ARFGEF3: variants seen among roughly 807,000 people sequenced by gnomAD.
The protein encoded by ARFGEF3 is brefeldin A-inhibited guanine nucleotide-exchange protein 3.
In ARFGEF3, 96 loss-of-function variants were observed where a neutral mutation model predicts 221.7. The observed-to-expected ratio is 0.43, with a 90% CI of 0.37 to 0.51. The LOEUF (loss-of-function observed/expected upper bound fraction) is 0.51. Among genes scored for constraint, ARFGEF3 ranks in the 20% least tolerant of loss-of-function variants. The pLI, the probability that ARFGEF3 is intolerant of heterozygous loss-of-function variation, is 0.00. For missense variants in ARFGEF3, 2,410 were observed against 2,789.9 expected (o/e 0.86, Z 3.07); for synonymous variants, 1,145 against 1,126.8 (o/e 1.02, Z -0.32).
At chr6:138,284,808 G>A (rs1010623572) in intron 14 of ARFGEF3, among the ~76,000 whole-genome samples, 1 of 152,174 alleles carries the variant, frequency 6.6e-6, no homozygotes, top group Admixed American at 6.5e-5. Flanking sequence ...GAAATGCATT[G>A]TTAGGCAATT....
rs896140656 is a variant in ARFGEF3 at position 138,294,056 on chromosome 6, G to A, written c.3432G>A (p.Leu1144=). Residue 1144 remains leucine (L), a synonymous_variant, in exon 20 of 34, where the codon CTG becomes CTA. Transcript: ENST00000251691. Reference sequence around the variant, plus strand: ...CCTTGGGAGGTTTTCTTTACCAGCTGAAGAAAGCATCGCAGTCTCAGCTTT... The same window carrying A: ...CCTTGGGAGGTTTTCTTTACCAGCTAAAGAAAGCATCGCAGTCTCAGCTTT... The part of the protein sequence containing the change: ...LMALGGFLYQ[L]KKASQSQLFH... 1.9e-6 allele frequency: 3 copies of A among 1,613,748 alleles called. No homozygotes were observed. In the Admixed American group the frequency reaches 5.0e-5, roughly 27 times the overall value.
At chr6:138,330,417 C>T (rs1780204645) in intron 32 of ARFGEF3, among the ~76,000 whole-genome samples, 1 of 152,192 alleles carries the variant, frequency 6.6e-6, no homozygotes, top group African/African-American at 2.4e-5. Flanking sequence ...AATCCAATTT[C>T]TGTTGTTTGT....
intron 2 of ARFGEF3, among the ~76,000 whole-genome samples, chr6:138,186,261 T>G (rs923022052): frequency 2.6e-5 from 4 of 152,160 alleles, no homozygotes; most frequent in Admixed American, 2.0e-4. Flanking sequence ...TACAAATACA[T>G]TCAGTGGTCA....
At chr6:138,193,709 T>G (rs1452309846) in intron 2 of ARFGEF3, among the ~76,000 whole-genome samples, 1 of 152,192 alleles carries the variant, frequency 6.6e-6, no homozygotes, top group Non-Finnish European at 1.5e-5. Context: ...CCTAGAAAAC[T>G]GTTACTTTAG....
chr6:138,187,986 T>C (rs6907699), intron 2 of ARFGEF3, among the ~76,000 whole-genome samples: 151,506 of 152,322 alleles, frequency 0.99, 75,350 homozygotes, highest in Middle Eastern at 1. Context: ...AACACCTGTC[T>C]TGAGCTAAAG....
chr6:138,262,471 C>G (rs568523274), intron 11 of ARFGEF3, among the ~76,000 whole-genome samples: 1 of 152,166 alleles, frequency 6.6e-6, no homozygotes, highest in East Asian at 1.9e-4. Flanking sequence ...GGATTACAGG[C>G]GTGAGCCACT....
Position 138,321,169 on chromosome 6 carries a change from C to G in ARFGEF3, c.4710C>G (p.Val1570=). The G allele has an allele frequency of 6.4e-7, 1 of 1,564,656 alleles. No individual in the cohort carries two copies. The highest frequency in any genetic ancestry group is 8.7e-7 in the Non-Finnish European group (1 of 1,153,166). ...TMLKDLFELL[V]ACVAKPTETI... ...TGAAGGACCTCTTTGAGTTGCTGGT[C>G]GCCTGTGTGGCCAAGCCCACTGAAA... is the stretch of plus-strand genomic sequence containing the variant. Residue 1570 remains valine (V), a synonymous_variant, in exon 29 of 34, where the codon GTC becomes GTG. Coordinates refer to ENST00000251691, the MANE Select transcript of ARFGEF3 (RefSeq NM_020340.5).
At chr6:138,324,503 C>T (rs1023900980) in intron 31 of ARFGEF3, among the ~76,000 whole-genome samples, 1 of 152,184 alleles carries the variant, frequency 6.6e-6, no homozygotes. Context: ...CTAACAATGG[C>T]AAACTTATTT....
intron 20 of ARFGEF3, 39 bp downstream of exon 20, chr6:138,294,165 A>G (rs1454080959): frequency 3.1e-6 from 5 of 1,603,404 alleles, no homozygotes; most frequent in East Asian, 2.2e-5. Flanking sequence ...CCAGGAAGTT[A>G]GCAGGAAACA....
Position 138,334,483 on chromosome 6 carries a change from G to A in ARFGEF3, c.5637G>A (p.Gln1879=), listed in dbSNP as rs780041198. 6.2e-7 allele frequency: 1 copy of A among 1,601,352 alleles called. No individual in the cohort carries two copies. Among genetic ancestry groups the A allele is most frequent in the Non-Finnish European group, 8.5e-7 (1 of 1,172,984 alleles). ...CCCCGAGAGGCAAGGAGAAGAGACA[G>A]TGGCGGGCACGGATGCCCTTGCTCA... ...VSPPRGKEKR[Q]WRARMPLLSV... is the part of the protein sequence containing the mutation. Residue 1879 remains glutamine (Q), a synonymous_variant, in exon 33 of 34, where the codon CAG becomes CAA. Coordinates refer to ENST00000251691, the MANE Select transcript of ARFGEF3 (RefSeq NM_020340.5). This position sits in a 1 kb window ranked among gnomAD's most constrained non-coding sequence, Gnocchi z 5.1.
At position 138,334,657 on chromosome 6, in the gene ARFGEF3, C is replaced by G; in HGVS notation, c.5811C>G (p.Phe1937Leu). 6.2e-7 allele frequency: 1 copy of G among 1,613,524 alleles called. No individual in the cohort carries two copies. Among genetic ancestry groups the G allele is most frequent in the Non-Finnish European group, 8.5e-7 (1 of 1,179,682 alleles). ...EEPPIFKGDP[F>L]FILPSFQSES... is the part of the protein sequence containing the mutation. ...CTCCCATCTTCAAGGGCGACCCGTT[C>G]TTCATCCTGCCCTCCTTCCAGTCCG... Residue 1937 changes from phenylalanine (F) to leucine (L), a missense_variant, in exon 33 of 34, where the codon TTC becomes TTG. Phe to Leu is a conservative substitution (Grantham distance 22). This residue lies in a region of ARFGEF3 where 339 missense variants were observed against 334.9 expected (regional missense o/e 1.01). Transcript: ENST00000251691. This position sits in a 1 kb window ranked among gnomAD's most constrained non-coding sequence, Gnocchi z 5.1.
chr6:138,214,798 T>C (rs9494967), intron 4 of ARFGEF3, among the ~76,000 whole-genome samples: 12,340 of 152,174 alleles, frequency 0.081, 1,229 homozygotes, highest in African/African-American at 0.23. Context: ...TTAAAAAAAA[T>C]CAGTGAAGCC....
chr6:138,272,032 C>A (rs1410302006), intron 12 of ARFGEF3, among the ~76,000 whole-genome samples: 1 of 152,122 alleles, frequency 6.6e-6, no homozygotes, highest in Admixed American at 6.5e-5. Context: ...GTTTTTTAAT[C>A]CTGATAGACT....
chr6:138,310,320 T>C (rs749292684), intron 24 of ARFGEF3, among the ~76,000 whole-genome samples: 1 of 152,244 alleles, frequency 6.6e-6, no homozygotes, highest in Non-Finnish European at 1.5e-5. Flanking sequence ...TTTTATATTA[T>C]AAAATGTGTT....
At chr6:138,176,533 C>G (rs1006829210) in intron 2 of ARFGEF3, among the ~76,000 whole-genome samples, 1 of 152,256 alleles carries the variant, frequency 6.6e-6, no homozygotes, top group Non-Finnish European at 1.5e-5. Context: ...TTAAGTGGAG[C>G]ATTTAATGCA....
chr6:138,237,561 C>G (rs1291281208), intron 5 of ARFGEF3, among the ~76,000 whole-genome samples: 1 of 152,118 alleles, frequency 6.6e-6, no homozygotes, highest in African/African-American at 2.4e-5. Flanking sequence ...ACCACCAGGT[C>G]TTTTTAGGCT....
intron 12 of ARFGEF3, among the ~76,000 whole-genome samples, chr6:138,268,091 T>G (rs1778930131): frequency 6.6e-6 from 1 of 152,178 alleles, no homozygotes; most frequent in Non-Finnish European, 1.5e-5. Flanking sequence ...GGCTACCCCT[T>G]CAGCCACTGG....
rs1439599153 is a variant in ARFGEF3 at position 138,162,210 on chromosome 6, G to A, written c.85+39G>A. ...ACCTGCTCGCCGCGGCGGGAGGGCC[G>A]CGCGGCCGGGGCTGAACCCGCGCCT... is the stretch of plus-strand genomic sequence containing the variant. On this transcript the variant is annotated intron_variant, in intron 1 of 33. Coordinates refer to ENST00000251691, the MANE Select transcript of ARFGEF3 (RefSeq NM_020340.5). This position sits in a 1 kb window ranked among gnomAD's most constrained non-coding sequence, Gnocchi z 4.7. The A allele has an allele frequency of 1.3e-6, 2 of 1,520,340 alleles. No homozygotes were observed. Among genetic ancestry groups the A allele is most frequent in the Admixed American group, 1.8e-5 (1 of 55,820 alleles). The allele number at this position is 1,520,340 out of a possible 1,614,324, so 94.2% of individuals were successfully genotyped here. A position where few individuals can be genotyped will look rare whatever the true frequency, so the allele number is the denominator to read the frequency against.
chr6:138,249,766 A>G (rs913667956), intron 8 of ARFGEF3, among the ~76,000 whole-genome samples: 1 of 152,222 alleles, frequency 6.6e-6, no homozygotes, highest in African/African-American at 2.4e-5. Context: ...TTGATTTTCC[A>G]GTACAATTCC....
Sources: allele counts gnomAD v4.1 joint callset (sites outside exome capture counted in the v4.1 genomes callset), GRCh38; gene constraint gnomAD v4.1.1; regional missense constraint gnomAD v4.1.1; non-coding constraint Gnocchi (gnomAD v3.1); transcripts MANE v1.5; gene names NCBI Gene and HGNC (gene_info 2026-07-23, HGNC 2026-07-21).